EPC2: variants seen among roughly 807,000 people sequenced by gnomAD.
EPC2 encodes enhancer of polycomb homolog 2.
In EPC2, 14 loss-of-function variants were observed where a neutral mutation model predicts 92.1. The ratio of observed to expected loss-of-function variants is 0.15; its 90% confidence interval spans 0.10 to 0.24. The LOEUF (loss-of-function observed/expected upper bound fraction) is 0.24, where lower values mean the gene tolerates loss of function less well. Among genes scored for constraint, EPC2 ranks in the 10% least tolerant of loss-of-function variants. The pLI, the probability that EPC2 is intolerant of heterozygous loss-of-function variation, is 1.00. For synonymous variants in EPC2, 340 were observed against 334.7 expected (o/e 1.02, Z -0.17); for missense variants, 755 against 971.5 (o/e 0.78, Z 2.96).
intron 1 of EPC2, among the ~76,000 whole-genome samples, chr2:148,662,488 TA>T (rs1261731285): frequency 1.3e-5 from 2 of 152,208 alleles, no homozygotes; most frequent in East Asian, 3.9e-4. Flanking sequence ...TATACAGCCA[TA>T]AAAAATGATG....
chr2:148,681,861 C>T (rs1480284726), intron 1 of EPC2, among the ~76,000 whole-genome samples: 2 of 152,064 alleles, frequency 1.3e-5, no homozygotes, highest in Admixed American at 6.6e-5. Context: ...CTAATGCTAT[C>T]CCTCCCCCTA....
chr2:148,687,399 A>G (rs952278423), intron 1 of EPC2, among the ~76,000 whole-genome samples: 3 of 152,220 alleles, frequency 2.0e-5, no homozygotes, highest in African/African-American at 7.2e-5. Context: ...TGTGTTCACT[A>G]GAGTGGCACT....
At chr2:148,766,112 C>G (rs1188590458) in intron 7 of EPC2, among the ~76,000 whole-genome samples, 1 of 152,114 alleles carries the variant, frequency 6.6e-6, no homozygotes, top group African/African-American at 2.4e-5. Flanking sequence ...GCAATACCCT[C>G]TTTTTAAAAA....
intron 2 of EPC2, among the ~76,000 whole-genome samples, chr2:148,711,468 T>C (rs576825653): frequency 6.6e-6 from 1 of 152,214 alleles, no homozygotes; most frequent in Admixed American, 6.5e-5. Context: ...ATTTCTACTC[T>C]CATAAAATTT....
chr2:148,667,139 A>G (rs1245500910), intron 1 of EPC2, among the ~76,000 whole-genome samples: 1 of 152,230 alleles, frequency 6.6e-6, no homozygotes, highest in African/African-American at 2.4e-5. Flanking sequence ...TTAAGATACC[A>G]GTAGGATGGG....
chr2:148,775,963 A>G (rs955043940), intron 10 of EPC2, among the ~76,000 whole-genome samples: 1 of 151,570 alleles, frequency 6.6e-6, no homozygotes, highest in Non-Finnish European at 1.5e-5. Context: ...GTATTTTTTT[A>G]GTAGAGACAG....
intron 12 of EPC2, 58 bp downstream of exon 12, chr2:148,783,814 G>C: frequency 6.6e-7 from 1 of 1,512,394 alleles, no homozygotes; most frequent in Non-Finnish European, 8.9e-7. Flanking sequence ...CAGTGATTGG[G>C]AGTTTGTTTT....
chr2:148,729,031 CAAAAAAAA>C (rs376309552), intron 2 of EPC2, among the ~76,000 whole-genome samples: 15,604 of 63,596 alleles, frequency 0.25, 1,322 homozygotes, highest in East Asian at 0.56. Flanking sequence ...AACTCCATCT[CAAAAAAAA>C]AAAAAAAAAA....
intron 2 of EPC2, among the ~76,000 whole-genome samples, chr2:148,738,688 G>GTGGGAA (rs1459784036): frequency 6.6e-6 from 1 of 152,156 alleles, no homozygotes; most frequent in Non-Finnish European, 1.5e-5. Context: ...TGGAGTCAGA[G>GTGGGAA]TAAGTGTAGC....
At chr2:148,664,863 G>A (rs1486016976) in intron 1 of EPC2, among the ~76,000 whole-genome samples, 2 of 152,168 alleles carry the variant, frequency 1.3e-5, no homozygotes, top group Non-Finnish European at 2.9e-5. Flanking sequence ...GTTTGTGGCT[G>A]TATCACAATT....
At chr2:148,754,304 C>A (rs745602450) in intron 4 of EPC2, among the ~76,000 whole-genome samples, 171 bp downstream of exon 4, 6 of 152,128 alleles carry the variant, frequency 3.9e-5, no homozygotes, top group Admixed American at 3.3e-4. Context: ...TTATCCATTG[C>A]GCCACTGGCC....
chr2:148,684,152 G>A (rs1363309725), intron 1 of EPC2, among the ~76,000 whole-genome samples: 11 of 152,224 alleles, frequency 7.2e-5, no homozygotes, highest in Admixed American at 6.5e-4. Flanking sequence ...GGCCATTTAT[G>A]TATCTTTCTT....
rs73020836 is a variant in EPC2, at chr2:148,728,615, A to G, written c.314-15007A>G. Among the ~76,000 whole-genome samples the G allele has an allele frequency of 9.7e-3, 1,474 of 152,032 alleles. 23 individuals are homozygous for G. The highest frequency in any genetic ancestry group is 0.033 in the African/African-American group (1,383 of 41,462). The stretch of plus-strand genomic sequence containing the variant: ...GTGGTGGTGTTATGTCTGTAGTCCC[A>G]GCTATTTGGGAGGCTGAGGTGGGAG... On this transcript the variant is annotated intron_variant, in intron 2 of 13. Coordinates refer to ENST00000258484, the MANE Select transcript of EPC2 (RefSeq NM_015630.4).
chr2:148,779,833 G>A (rs1294598955), intron 10 of EPC2, among the ~76,000 whole-genome samples: 1 of 152,118 alleles, frequency 6.6e-6, no homozygotes, highest in Non-Finnish European at 1.5e-5. Context: ...CTGGACTTAA[G>A]GACTGTTGTA....
chr2:148,697,413 G>A (rs1681770774), intron 2 of EPC2, among the ~76,000 whole-genome samples: 1 of 151,970 alleles, frequency 6.6e-6, no homozygotes, highest in African/African-American at 2.4e-5. Context: ...TTCTCATTTG[G>A]CCTGGCAGAA....
intron 2 of EPC2, among the ~76,000 whole-genome samples, chr2:148,743,301 CAA>C (rs1188428100): frequency 1.3e-5 from 2 of 151,954 alleles, no homozygotes; most frequent in Non-Finnish European, 2.9e-5. Context: ...TTAATTTTGG[CAA>C]AGTTTCTCAT....
chr2:148,728,365 A>C (rs75118597), intron 2 of EPC2, among the ~76,000 whole-genome samples: 1 of 150,832 alleles, frequency 6.6e-6, no homozygotes. Context: ...TAATATGTAC[A>C]TATGTTCTCA....
In EPC2 at chr2:148,771,024, G is replaced by C; in HGVS notation, c.1377-20G>C. The C allele has an allele frequency of 6.3e-7, 1 of 1,592,312 alleles. No individual in the cohort carries two copies. Among genetic ancestry groups the C allele is most frequent in the Non-Finnish European group, 8.5e-7 (1 of 1,170,932 alleles). ...TGTTCAGCTCTCTCAGTTAATATTT[G>C]GTTTTATTTTGCTTTTCAGGGTCAT... On this transcript the variant is annotated intron_variant, in intron 9 of 13. Coordinates refer to ENST00000258484, the MANE Select transcript of EPC2 (RefSeq NM_015630.4).
chr2:148,743,556 A>G, intron 2 of EPC2, 66 bp from the exon 3 acceptor site: 2 of 1,316,250 alleles, frequency 1.5e-6, no homozygotes. Context: ...CTGCAGTCAA[A>G]TATGATGAAC....
Sources: gnomAD v4.1 joint callset for allele counts (sites outside exome capture counted in the v4.1 genomes callset) on GRCh38, gnomAD v4.1.1 for gene constraint, MANE v1.5 for transcripts, NCBI Gene and HGNC (gene_info 2026-07-23, HGNC 2026-07-21) for gene names.